The following MALRD1 variants were observed in gnomAD, a reference collection of about 807,000 sequenced individuals.
MALRD1 encodes MAM and LDL receptor class A domain containing 1.
MALRD1 carries 247 observed loss-of-function variants against 242.1 expected under a neutral mutation model. The ratio of observed to expected loss-of-function variants is 1.02; its 90% CI spans 0.92 to 1.13. MALRD1 has a LOEUF of 1.13. Among genes scored for constraint, MALRD1 ranks in the 50% most tolerant of loss-of-function variants. MALRD1 has a pLI of 0.00. For synonymous variants in MALRD1, 995 were observed against 866.6 expected (o/e 1.15, Z -2.60); for missense variants, 2,989 against 2,533.1 (o/e 1.18, Z -3.86).
At chr10:19,290,278 C>A (rs1841346184) in intron 21 of MALRD1, 1 of 151,848 alleles carries the variant, frequency 6.6e-6, no homozygotes, top group Middle Eastern at 3.4e-3. Flanking sequence ...TAACACCATT[C>A]CATACAGCTA....
intron 32 of MALRD1, among the ~76,000 whole-genome samples, chr10:19,539,937 T>G: frequency 6.7e-6 from 1 of 149,080 alleles, no homozygotes; most frequent in Non-Finnish European, 1.5e-5. Context: ...GTGATGGGGT[T>G]TTGCCATGTT....
At chr10:19,488,127 T>C (rs1377107306) in intron 29 of MALRD1, among the ~76,000 whole-genome samples, 10 of 152,212 alleles carry the variant, frequency 6.6e-5, no homozygotes, top group Admixed American at 6.5e-5. Context: ...TATAAGTCAC[T>C]ATGAATCTGT....
intron 5 of MALRD1, among the ~76,000 whole-genome samples, chr10:19,111,500 A>C (rs1836679296): frequency 6.6e-6 from 1 of 152,226 alleles, no homozygotes. Flanking sequence ...TTGAAATCTA[A>C]GACTGAAGTT....
At chr10:19,523,760 A>G (rs1683712122) in intron 31 of MALRD1, among the ~76,000 whole-genome samples, 1 of 150,740 alleles carries the variant, frequency 6.6e-6, no homozygotes, top group South Asian at 2.1e-4. Flanking sequence ...AAATAAGATG[A>G]CTCTACCTTG....
At chr10:19,149,572 T>A (rs1833864266) in intron 11 of MALRD1, among the ~76,000 whole-genome samples, 1 of 152,178 alleles carries the variant, frequency 6.6e-6, no homozygotes, top group Non-Finnish European at 1.5e-5. Flanking sequence ...CTGTGGTTGT[T>A]TGTTTTTTAA....
At chr10:19,599,996 GAGA>G (rs956112420) in intron 34 of MALRD1, among the ~76,000 whole-genome samples, 8 of 152,104 alleles carry the variant, frequency 5.3e-5, no homozygotes, top group Non-Finnish European at 1.2e-4. Flanking sequence ...AATAGATCAG[GAGA>G]AGTACATGGA....
chr10:19,120,252 A>C (rs932166180), intron 5 of MALRD1, among the ~76,000 whole-genome samples: 1 of 152,188 alleles, frequency 6.6e-6, no homozygotes, highest in African/African-American at 2.4e-5. Context: ...CACAATCAGA[A>C]AACCAGAAAA....
At chr10:19,510,843 T>A (rs1307088517) in intron 31 of MALRD1, among the ~76,000 whole-genome samples, 2 of 152,194 alleles carry the variant, frequency 1.3e-5, no homozygotes, top group East Asian at 3.9e-4. Flanking sequence ...AGAAGTGGAA[T>A]CTACTTGTTT....
At chr10:19,719,913 TTCTC>T (rs3071796) in intron 38 of MALRD1, among the ~76,000 whole-genome samples, 13 of 151,692 alleles carry the variant, frequency 8.6e-5, no homozygotes, top group Non-Finnish European at 1.5e-4. Flanking sequence ...CTCTTATAAT[TTCTC>T]TCTCTCTCTC....
chr10:19,138,555 G>A (rs1833436147), intron 10 of MALRD1, among the ~76,000 whole-genome samples: 1 of 151,704 alleles, frequency 6.6e-6, no homozygotes, highest in African/African-American at 2.4e-5. Context: ...AGAGTAGCTG[G>A]GATTACAAGC....
chr10:19,317,916 C>T (rs1842769170), intron 21 of MALRD1, among the ~76,000 whole-genome samples: 1 of 152,022 alleles, frequency 6.6e-6, no homozygotes, highest in African/African-American at 2.4e-5. Context: ...ACTTTTGCAA[C>T]ACCTGAAAGT....
chr10:19,334,753 T>C (rs1011283531), intron 24 of MALRD1, among the ~76,000 whole-genome samples: 3 of 152,258 alleles, frequency 2.0e-5, no homozygotes, highest in Middle Eastern at 3.4e-3. Flanking sequence ...CTATTAGTTA[T>C]TTTTGTATCA....
Position 19,586,292 on chromosome 10 carries a change from G to A in MALRD1, c.5681-8902G>A, listed in dbSNP as rs1357725131. 3.3e-5 allele frequency among the ~76,000 whole-genome samples: 5 copies of A among 152,178 alleles called. No individual in the cohort carries two copies. In the South Asian group the frequency reaches 6.2e-4, roughly 19 times the overall value. On this transcript the variant is annotated intron_variant, in intron 33 of 39. Coordinates refer to ENST00000454679, the MANE Select transcript of MALRD1 (RefSeq NM_001142308.3). ...GAGGAACTGTGTTCCTTTGGAGGAG[G>A]AGAGGTGCTCTGCTTTTTAGAGTTT...
intron 8 of MALRD1, 27 bp downstream of exon 8, chr10:19,128,414 A>G (rs1052717024): frequency 5.7e-6 from 7 of 1,224,762 alleles, no homozygotes; most frequent in Non-Finnish European, 7.1e-6. Flanking sequence ...ATTTATTTCA[A>G]ATTCATTGAA....
rs528655152 is a variant in MALRD1, at chr10:19,554,146, G to A, written c.5479-13356G>A. Among the ~76,000 whole-genome samples, 24 of 152,270 alleles carry A rather than the reference G, an allele frequency of 1.6e-4. No homozygotes were observed. In the South Asian group the frequency reaches 3.9e-3, roughly 25 times the overall value. Reference sequence around the variant, plus strand: ...GGAACAAAGTTGTATTAGTCCACTTGTGTTGCTAAGAAGAAATACCTGAAG... The same window carrying A: ...GGAACAAAGTTGTATTAGTCCACTTATGTTGCTAAGAAGAAATACCTGAAG... On this transcript the variant is annotated intron_variant, in intron 32 of 39. Transcript: ENST00000454679.
chr10:19,593,659 A>G (rs1443288281), intron 33 of MALRD1, among the ~76,000 whole-genome samples: 2 of 152,162 alleles, frequency 1.3e-5, no homozygotes, highest in African/African-American at 4.8e-5. Flanking sequence ...TCCGTTCTAT[A>G]TGTTCACATA....
In MALRD1 at chr10:19,727,361, A is replaced by G. The variant is rs555566232; in HGVS notation, c.6315-3345A>G. 2.6e-5 allele frequency among the ~76,000 whole-genome samples: 4 copies of G among 152,280 alleles called. No homozygotes were observed. The South Asian group carries it at 8.3e-4, about 32-fold the overall frequency. On this transcript the variant is annotated intron_variant, in intron 38 of 39. Coordinates refer to ENST00000454679, the MANE Select transcript of MALRD1 (RefSeq NM_001142308.3). The stretch of plus-strand genomic sequence containing the variant: ...ACACTTCCATGCTTTTATCAACACT[A>G]AAACAATGTTGTCAGTTAATAAGTG...
intron 25 of MALRD1, among the ~76,000 whole-genome samples, chr10:19,349,792 T>G (rs1166198034): frequency 6.6e-6 from 1 of 152,114 alleles, no homozygotes; most frequent in Admixed American, 6.5e-5. Context: ...ATACGAAAAT[T>G]CCAGGTTGAC....
chr10:19,246,476 A>G (rs1464715932), intron 18 of MALRD1, among the ~76,000 whole-genome samples: 1 of 152,114 alleles, frequency 6.6e-6, no homozygotes, highest in East Asian at 1.9e-4. Flanking sequence ...CATGAAGGGG[A>G]AAAAGCCTGG....
Sources: allele counts gnomAD v4.1 joint callset (sites outside exome capture counted in the v4.1 genomes callset), GRCh38; gene constraint gnomAD v4.1.1; transcripts MANE v1.5; gene names NCBI Gene and HGNC (gene_info 2026-07-23, HGNC 2026-07-21).